DNAJC2: variants seen among roughly 807,000 people sequenced by gnomAD.
DNAJC2 encodes DnaJ heat shock protein family (Hsp40) member C2.
Under a neutral mutation model 94.0 loss-of-function variants are expected in DNAJC2, and 32 were observed. The observed-to-expected ratio is 0.34, with a 90% CI of 0.26 to 0.46. The LOEUF is 0.46. Ranked by LOEUF, DNAJC2 falls within the 20% of genes least tolerant of loss-of-function variation. The probability of loss-of-function intolerance (pLI) is 1.00; values close to 1 mark genes in which losing one functional copy is unlikely to be tolerated. For synonymous variants in DNAJC2, 210 were observed against 229.7 expected (o/e 0.91, Z 0.77); for missense variants, 550 against 719.5 (o/e 0.76, Z 2.69).
At chr7:103,337,678 A>C in intron 3 of DNAJC2, 58 bp downstream of exon 3, 1 of 1,348,806 alleles carries the variant, frequency 7.4e-7, no homozygotes. Flanking sequence ...TTTAAAAAGC[A>C]TAGCCAGCCT....
chr7:103,334,357 T>C (rs970153180), intron 3 of DNAJC2, among the ~76,000 whole-genome samples: 2 of 150,942 alleles, frequency 1.3e-5, no homozygotes, highest in African/African-American at 4.9e-5. Flanking sequence ...AACTCAGGAG[T>C]TCGAGACCAG....
rs753082361 is a variant in DNAJC2 at position 103,319,801 on chromosome 7, A to G, written c.1127T>C (p.Met376Thr). ...ACAAAGTTTTTCCACTTCTTCCATC[A>G]TTTTAACCCGCTCTGCCTCATTATC... ...FSDNEAERVKMMEEVEKLCDR... is the reference protein window; with the variant it reads ...FSDNEAERVKTMEEVEKLCDR... The change falls in exon 11 of 17, where the codon ATG (methionine) becomes ACG (threonine). Residue 376 changes from methionine (M) to threonine (T), a missense_variant. Physicochemically the swap from Met to Thr is moderately conservative, Grantham distance 81. Transcript: ENST00000379263. 6.2e-7 allele frequency: 1 copy of G among 1,614,180 alleles called. No individual in the cohort carries two copies. The highest frequency in any genetic ancestry group is 8.5e-7 in the Non-Finnish European group (1 of 1,180,038).
chr7:103,313,671 T>A (rs887412260), intron 15 of DNAJC2: 2 of 985,314 alleles, frequency 2.0e-6, no homozygotes, highest in African/African-American at 3.5e-5. Context: ...CTTCGTCACA[T>A]CTGCTAAAAT....
intron 14 of DNAJC2, 39 bp downstream of exon 14, chr7:103,315,949 T>C: frequency 2.6e-6 from 4 of 1,544,054 alleles, no homozygotes; most frequent in East Asian, 2.3e-5. Flanking sequence ...ATTTTAAAAA[T>C]AGGTGTTTAA....
At chr7:103,320,441 G>GTC (rs1418466554) in intron 10 of DNAJC2, among the ~76,000 whole-genome samples, 1 of 151,876 alleles carries the variant, frequency 6.6e-6, no homozygotes, top group Admixed American at 6.6e-5. Flanking sequence ...AACCCTGATA[G>GTC]TTTTTTTCTA....
At chr7:103,314,148 A>T in intron 15 of DNAJC2, 1 of 985,444 alleles carries the variant, frequency 1.0e-6, no homozygotes, top group Non-Finnish European at 1.2e-6. Flanking sequence ...AGTTCTAGGA[A>T]GTCTTTTGTT....
Position 103,341,938 on chromosome 7 carries a change from T to C in DNAJC2, c.81A>G (p.Gln27=), listed in dbSNP as rs766686369. The C allele has an allele frequency of 3.7e-6, 6 of 1,604,340 alleles. No homozygotes were observed. The highest frequency in any genetic ancestry group is 4.5e-5 in the East Asian group (2 of 44,784). ...CAAACCATCTTCCCACAGGTTCAAC[T>C]TGACAGAGTGTAGAGGCTGTGATTG... ...HALTSASTLC[Q]VEPVGRWFEA... Residue 27 remains glutamine (Q), a synonymous_variant, in exon 2 of 17, where the codon CAA becomes CAG. Transcript: ENST00000379263.
intron 12 of DNAJC2, among the ~76,000 whole-genome samples, chr7:103,317,663 A>T (rs1263676107): frequency 2.0e-5 from 3 of 151,642 alleles, no homozygotes; most frequent in Admixed American, 1.3e-4. Flanking sequence ...TTTCTTTCTT[A>T]CTTTTGAGGC....
In DNAJC2 at chr7:103,344,447, C is replaced by G. The variant is rs1819518125; in HGVS notation, c.64+112G>C. On this transcript the variant is annotated intron_variant, in intron 1 of 16. Transcript: ENST00000379263. ...GGCACTCGTCACGGCCCCATACGGC[C>G]CCGGGGCTAGTCGCCAGGGTCAAGG... 9 of 1,245,252 alleles carry G rather than the reference C, an allele frequency of 7.2e-6. No homozygotes were observed. The South Asian group carries it at 1.1e-4, about 15-fold the overall frequency. The allele number at this position is 1,245,252 out of a possible 1,614,324, so 77.1% of individuals were successfully genotyped here.
chr7:103,337,787 C>T lies in DNAJC2; in HGVS notation c.280G>A (p.Gly94Arg). 1 of 1,613,274 alleles carries T rather than the reference C, an allele frequency of 6.2e-7. No homozygotes were observed. The highest frequency in any genetic ancestry group is 8.5e-7 in the Non-Finnish European group (1 of 1,179,758). ...GCCTTGTATCTCACATGGCCAAGTC[C>T]AAGAACTGCATAATGATCTTGGTTC... Reference protein sequence around the residue: ...WKNQDHYAVLGLGHVRYKATQ... With the variant: ...WKNQDHYAVLRLGHVRYKATQ... Residue 94 changes from glycine to arginine, a missense_variant, in exon 3 of 17, where the codon GGA (glycine) becomes AGA (arginine). This residue lies in a region of DNAJC2 where 279 missense variants were observed against 416.9 expected (regional missense o/e 0.67). Coordinates refer to ENST00000379263, the MANE Select transcript of DNAJC2 (RefSeq NM_014377.3).
At chr7:103,317,129 C>T in intron 12 of DNAJC2, 115 bp from the exon 13 acceptor site, 1 of 919,484 alleles carries the variant, frequency 1.1e-6, no homozygotes, top group South Asian at 1.7e-5. Context: ...CACTCTGACC[C>T]CATACTCCTC....
At chr7:103,327,839 A>G in intron 3 of DNAJC2, 85 bp from the exon 4 acceptor site, 2 of 747,190 alleles carry the variant, frequency 2.7e-6, no homozygotes, top group Non-Finnish European at 4.4e-6. Flanking sequence ...TTCTAAAATC[A>G]TAAGGCTAAT....
chr7:103,318,176 T>C (rs919660543), intron 12 of DNAJC2, among the ~76,000 whole-genome samples: 4 of 136,456 alleles, frequency 2.9e-5, no homozygotes, highest in African/African-American at 1.0e-4. Flanking sequence ...TTTTTGTCTG[T>C]TTTTTTTGAG....
intron 7 of DNAJC2, 55 bp from the exon 8 acceptor site, chr7:103,322,849 A>T: frequency 7.7e-7 from 1 of 1,307,088 alleles, no homozygotes; most frequent in Non-Finnish European, 1.1e-6. Flanking sequence ...CTATGACTGG[A>T]AAATGCAATA....
chr7:103,333,200 A>G (rs1819042028), intron 3 of DNAJC2, among the ~76,000 whole-genome samples: 1 of 152,152 alleles, frequency 6.6e-6, no homozygotes, highest in South Asian at 2.1e-4. Context: ...CCAGTTTGGG[A>G]TACTGTCTTA....
rs142718808 is a variant in DNAJC2 at position 103,334,644 on chromosome 7, T to C, written c.331+3092A>G. Among the ~76,000 whole-genome samples the C allele has an allele frequency of 3.8e-3, 568 of 150,992 alleles. 3 individuals are homozygous for C. The highest frequency in any genetic ancestry group is 0.014 in the African/African-American group (559 of 41,214). On this transcript the variant is annotated intron_variant, in intron 3 of 16. Transcript: ENST00000379263. Reference sequence around the variant, plus strand: ...AAAAAAAAAAAGAGAGACAAGGTCTTGCTATGTTGTCCAGGTTGGTCTTGA... The same window carrying C: ...AAAAAAAAAAAGAGAGACAAGGTCTCGCTATGTTGTCCAGGTTGGTCTTGA...
At chr7:103,328,893 G>T (rs920516683) in intron 3 of DNAJC2, 3 of 620,080 alleles carry the variant, frequency 4.8e-6, no homozygotes, top group South Asian at 1.8e-5. Context: ...AATTTTAAAT[G>T]TAAGTGTTTT....
rs1253179018 is a variant in DNAJC2 at position 103,326,948 on chromosome 7, T to G, written c.431-264A>C. Among the ~76,000 whole-genome samples, 3 of 152,156 alleles carry G rather than the reference T, an allele frequency of 2.0e-5. No homozygotes were observed. The East Asian group carries it at 5.8e-4, about 29-fold the overall frequency. On this transcript the variant is annotated intron_variant, in intron 4 of 16. Coordinates refer to ENST00000379263, the MANE Select transcript of DNAJC2 (RefSeq NM_014377.3). ...CACCCCTCAAGAGAAAAGATGACTCTGGGGAAAAAGAAATAGCTAGTAAGT... is the reference window on the plus strand; with the variant it reads ...CACCCCTCAAGAGAAAAGATGACTCGGGGGAAAAAGAAATAGCTAGTAAGT...
chr7:103,316,116 G>C, intron 13 of DNAJC2, 28 bp from the exon 14 acceptor site: 2 of 1,371,986 alleles, frequency 1.5e-6, no homozygotes, highest in Non-Finnish European at 2.0e-6. Flanking sequence ...ACAATAATAT[G>C]AATAGTAGTA....
Sources: gnomAD v4.1 joint callset for allele counts (sites outside exome capture counted in the v4.1 genomes callset) on GRCh38, gnomAD v4.1.1 for gene constraint, gnomAD v4.1.1 regional missense constraint, MANE v1.5 for transcripts, NCBI Gene and HGNC (gene_info 2026-07-23, HGNC 2026-07-21) for gene names.